The following PKNOX2 variants were observed in gnomAD, a reference collection of about 807,000 sequenced individuals.
PKNOX2 encodes the protein homeobox protein PKNOX2.
A neutral mutation model predicts 53.1 loss-of-function variants in PKNOX2; 14 were observed. That is an observed-to-expected ratio of 0.26 (90% CI 0.17 to 0.41). The LOEUF (loss-of-function observed/expected upper bound fraction) is 0.41. Ranked by LOEUF, PKNOX2 falls within the 10% of genes least tolerant of loss-of-function variation. The probability of loss-of-function intolerance (pLI) is 1.00; values close to 1 mark genes in which losing one functional copy is unlikely to be tolerated. For missense variants in PKNOX2, 496 were observed against 602.8 expected (o/e 0.82, Z 1.85); for synonymous variants, 257 against 242.8 (o/e 1.06, Z -0.54).
chr11:125,381,970 G>C (rs1247638448), intron 5 of PKNOX2, among the ~76,000 whole-genome samples: 1 of 152,192 alleles, frequency 6.6e-6, no homozygotes, highest in East Asian at 1.9e-4. Flanking sequence ...AAGGACAGAA[G>C]CAGAGGAGAT....
chr11:125,366,254 A>C (rs1952184011), intron 4 of PKNOX2, among the ~76,000 whole-genome samples: 1 of 152,228 alleles, frequency 6.6e-6, no homozygotes, highest in Non-Finnish European at 1.5e-5. Flanking sequence ...TCTGGCTTCC[A>C]GGCACCATGA....
chr11:125,215,890 G>C (rs936926351), intron 1 of PKNOX2, among the ~76,000 whole-genome samples: 3 of 152,226 alleles, frequency 2.0e-5, no homozygotes, highest in Non-Finnish European at 4.4e-5. Context: ...TTCAGGGCTA[G>C]GTGGTCACTT....
At chr11:125,212,548 G>A (rs557294411) in intron 1 of PKNOX2, among the ~76,000 whole-genome samples, 3 of 149,194 alleles carry the variant, frequency 2.0e-5, no homozygotes, top group South Asian at 2.1e-4. Flanking sequence ...TCCGCCTCCC[G>A]GGTTCAAGCG....
At chr11:125,408,364 C>G (rs1426398529) in intron 7 of PKNOX2, among the ~76,000 whole-genome samples, 1 of 152,178 alleles carries the variant, frequency 6.6e-6, no homozygotes, top group Non-Finnish European at 1.5e-5. Context: ...CCCACGGGGC[C>G]CCAGGAAGGG....
In PKNOX2 at chr11:125,410,387, C is replaced by T. The variant is rs561199333; in HGVS notation, c.718+62C>T. 2.4e-3 allele frequency: 3,803 copies of T among 1,600,392 alleles called. 7 individuals are homozygous for T. The highest frequency in any genetic ancestry group is 2.9e-3 in the Non-Finnish European group (3,449 of 1,173,874). ...TCCCTGGGAGGAGAAAGGGTGGCCC[C>T]GAGGCGGTTCCAGGGGTGGGGGTTG... On this transcript the variant is annotated intron_variant, in intron 8 of 12. Coordinates refer to ENST00000298282, the MANE Select transcript of PKNOX2 (RefSeq NM_001382323.2).
In PKNOX2 at chr11:125,331,829, T is replaced by C. The variant is rs1950159453; in HGVS notation, c.-119T>C. On this transcript the variant is annotated 5_prime_UTR_variant, in exon 3 of 13. Coordinates refer to ENST00000298282, the MANE Select transcript of PKNOX2 (RefSeq NM_001382323.2). ...TACCCTTTTTTGCAGGTGCTTTGGC[T>C]CTAGCAGACAGGAAGAAATTCTGGC... 6.6e-6 allele frequency: 1 copy of C among 152,220 alleles called. No homozygotes were observed. The highest frequency in any genetic ancestry group is 1.9e-4 in the East Asian group (1 of 5,192). 9.4% of individuals were successfully genotyped at this position (152,220 alleles called of 1,614,324 possible). A position where few individuals can be genotyped will look rare whatever the true frequency, so the allele number is the denominator to read the frequency against.
At chr11:125,207,717 G>A (rs759600535) in intron 1 of PKNOX2, among the ~76,000 whole-genome samples, 18 of 152,168 alleles carry the variant, frequency 1.2e-4, no homozygotes, top group Non-Finnish European at 2.2e-4. Context: ...TGGCAAGTCA[G>A]GGTGGAAGAG....
intron 1 of PKNOX2, among the ~76,000 whole-genome samples, chr11:125,203,169 G>A (rs761346618): frequency 2.0e-5 from 3 of 152,200 alleles, no homozygotes; most frequent in Non-Finnish European, 4.4e-5. Flanking sequence ...ACAGGCTGGA[G>A]TGCAGTCAGC....
chr11:125,410,108 G>T, intron 7 of PKNOX2, 88 bp from the exon 8 acceptor site: 2 of 1,510,256 alleles, frequency 1.3e-6, no homozygotes, highest in Admixed American at 1.9e-5. Flanking sequence ...GGGCAGGCAG[G>T]AAGGGGAAAG....
chr11:125,300,363 C>T (rs1163949605), intron 2 of PKNOX2, among the ~76,000 whole-genome samples: 3 of 152,186 alleles, frequency 2.0e-5, no homozygotes, highest in Non-Finnish European at 4.4e-5. Flanking sequence ...ACATGTATTA[C>T]TCTATTTAAT....
intron 2 of PKNOX2, among the ~76,000 whole-genome samples, chr11:125,278,773 A>G (rs1248093085): frequency 6.6e-5 from 10 of 152,194 alleles, no homozygotes; most frequent in Admixed American, 6.5e-4. Flanking sequence ...TAAAAAAGGC[A>G]TTTAGATATC....
At chr11:125,262,175 G>T (rs1398621918) in intron 2 of PKNOX2, among the ~76,000 whole-genome samples, 1 of 152,214 alleles carries the variant, frequency 6.6e-6, no homozygotes, top group East Asian at 1.9e-4. Context: ...GATGAGGAAG[G>T]GCTGAAGAGT....
At chr11:125,231,726 GT>G (rs1942222476) in intron 1 of PKNOX2, among the ~76,000 whole-genome samples, 1 of 145,674 alleles carries the variant, frequency 6.9e-6, no homozygotes, top group African/African-American at 2.8e-5. Context: ...TGTGGGGGGT[GT>G]GTGTGTGTGT....
chr11:125,235,634 T>C (rs1249463539), intron 2 of PKNOX2, among the ~76,000 whole-genome samples: 2 of 152,252 alleles, frequency 1.3e-5, no homozygotes, highest in Admixed American at 1.3e-4. Context: ...TTTGCTCATA[T>C]TGGTTCTCCC....
At chr11:125,426,832 G>C (rs1204081920) in intron 10 of PKNOX2, among the ~76,000 whole-genome samples, 1 of 152,246 alleles carries the variant, frequency 6.6e-6, no homozygotes, top group Non-Finnish European at 1.5e-5. Flanking sequence ...TTGCCATCTA[G>C]TGGGCGAAAA....
chr11:125,353,122 C>T lies in PKNOX2; in HGVS notation c.87+1730C>T, dbSNP rs533908847. 2.6e-5 allele frequency among the ~76,000 whole-genome samples: 4 copies of T among 152,334 alleles called. 1 individual carries two copies. Among genetic ancestry groups the T allele is most frequent in the African/African-American group, 7.2e-5 (3 of 41,576 alleles). On this transcript the variant is annotated intron_variant, in intron 4 of 12. Coordinates refer to ENST00000298282, the MANE Select transcript of PKNOX2 (RefSeq NM_001382323.2). Reference sequence around the variant, plus strand: ...ATCGATTAAGTGGTGGGAACGTGGGCTCCACTTGTTTTGTGACTGGATTCT... The same window carrying T: ...ATCGATTAAGTGGTGGGAACGTGGGTTCCACTTGTTTTGTGACTGGATTCT...
intron 10 of PKNOX2, among the ~76,000 whole-genome samples, chr11:125,418,562 G>C (rs958543915): frequency 1.3e-5 from 2 of 152,040 alleles, no homozygotes; most frequent in African/African-American, 2.4e-5. Flanking sequence ...GCACTGCACA[G>C]AGCTCCTGGC....
At position 125,240,783 on chromosome 11, in the gene PKNOX2, G is replaced by C. The variant is rs1038029892; in HGVS notation, c.-130+5668G>C. 2.0e-5 allele frequency among the ~76,000 whole-genome samples: 3 copies of C among 152,042 alleles called. No homozygotes were observed. Among genetic ancestry groups the C allele is most frequent in the African/African-American group, 7.2e-5 (3 of 41,410 alleles). On this transcript the variant is annotated intron_variant, in intron 2 of 12. Coordinates refer to ENST00000298282, the MANE Select transcript of PKNOX2 (RefSeq NM_001382323.2). The surrounding 1 kb of genome is among the most constrained non-coding windows in gnomAD (Gnocchi z 4.3). ...TGCTGCTCCCAGTATCCTTGGCTGT[G>C]GGGGGACTAGTGATGGTGTAGGGTC...
chr11:125,363,461 C>T (rs1241024383), intron 4 of PKNOX2, among the ~76,000 whole-genome samples: 4 of 152,202 alleles, frequency 2.6e-5, no homozygotes, highest in African/African-American at 9.7e-5. Context: ...AACCCAGGGC[C>T]GGATCCTCTG....
Sources: gnomAD v4.1 joint callset for allele counts (sites outside exome capture counted in the v4.1 genomes callset) on GRCh38, gnomAD v4.1.1 for gene constraint, Gnocchi (gnomAD v3.1) non-coding constraint, MANE v1.5 for transcripts, NCBI Gene and HGNC (gene_info 2026-07-23, HGNC 2026-07-21) for gene names.